GPHN: variants seen among roughly 807,000 people sequenced by gnomAD.
GPHN encodes gephyrin.
In GPHN, 17 loss-of-function variants were observed where a neutral mutation model predicts 95.5. That is an observed-to-expected ratio of 0.18 (90% CI 0.12 to 0.27). The LOEUF (loss-of-function observed/expected upper bound fraction) is 0.27, where lower values mean the gene tolerates loss of function less well. Ranked by LOEUF, GPHN falls within the 10% of genes least tolerant of loss-of-function variation. The probability of loss-of-function intolerance (pLI) is 1.00; values close to 1 mark genes in which losing one functional copy is unlikely to be tolerated. For missense variants in GPHN, 660 were observed against 978.1 expected, an observed-to-expected ratio of 0.67 and a Z score of 4.34; for synonymous variants, 320 against 322.5, an observed-to-expected ratio of 0.99 and a Z score of 0.08.
chr14:67,621,194 T>G, the GPHN span, among the ~76,000 whole-genome samples: 96 of 152,258 alleles, frequency 6.3e-4, no homozygotes, highest in Non-Finnish European at 1.1e-3. Flanking sequence ...AGGCAAGGTC[T>G]GAACAGCTGT....
the GPHN span, among the ~76,000 whole-genome samples, chr14:67,453,898 T>C: frequency 6.6e-6 from 1 of 152,204 alleles, no homozygotes; most frequent in Non-Finnish European, 1.5e-5. Context: ...GGCAACCTCT[T>C]GGAGCCTCAG....
intron 1 of GPHN, among the ~76,000 whole-genome samples, chr14:66,644,269 C>G (rs2064607138): frequency 6.6e-6 from 1 of 152,062 alleles, no homozygotes; most frequent in African/African-American, 2.4e-5. Flanking sequence ...AGACATCATT[C>G]TTCTCAAATT....
At chr14:67,387,250 C>G in the GPHN span, 8 of 1,425,958 alleles carry the variant, frequency 5.6e-6, no homozygotes, top group Non-Finnish European at 5.7e-6. Flanking sequence ...AGTCAAAAGT[C>G]TTAACACTCC....
At chr14:67,626,036 TTCA>T in the GPHN span, among the ~76,000 whole-genome samples, 1 of 152,024 alleles carries the variant, frequency 6.6e-6, no homozygotes, top group African/African-American at 2.4e-5. Context: ...GGCAGATCAT[TTCA>T]GGTCAGGAGT....
chr14:66,687,868 T>C (rs1418519390), intron 2 of GPHN, among the ~76,000 whole-genome samples: 3 of 152,226 alleles, frequency 2.0e-5, no homozygotes, highest in African/African-American at 7.2e-5. Flanking sequence ...CATCAGTTTT[T>C]TAGCTTGTTT....
chr14:66,710,758 CT>C (rs537328683), intron 2 of GPHN, among the ~76,000 whole-genome samples: 1 of 152,102 alleles, frequency 6.6e-6, no homozygotes, highest in Non-Finnish European at 1.5e-5. Context: ...CTAAATAGGG[CT>C]TTTTAACCTA....
rs539820412 is a variant in GPHN, at chr14:67,022,985, C to T, written c.964-648C>T. On this transcript the variant is annotated intron_variant, in intron 9 of 22. Transcript: ENST00000478722. ...GTTTCTGATTGATAAATTCTATATA[C>T]ACCTAAGAACTGGTAAATAAATTTG... Among the ~76,000 whole-genome samples, 12 of 152,080 alleles carry T rather than the reference C, an allele frequency of 7.9e-5. No homozygotes were observed. In the South Asian group the frequency reaches 2.3e-3, roughly 29 times the overall value.
chr14:66,579,921 C>T (rs2061084237), intron 1 of GPHN, among the ~76,000 whole-genome samples: 1 of 151,796 alleles, frequency 6.6e-6, no homozygotes, highest in Admixed American at 6.6e-5. Flanking sequence ...TTGGAACACA[C>T]ATCCTTCTTA....
the GPHN span, among the ~76,000 whole-genome samples, chr14:67,370,845 C>T: frequency 8.6e-5 from 13 of 151,626 alleles, no homozygotes; most frequent in African/African-American, 2.2e-4. Flanking sequence ...GGAAACATGA[C>T]GAAACCTCAT....
the GPHN span, chr14:67,338,317 T>A: frequency 4.5e-6 from 1 of 219,790 alleles, no homozygotes; most frequent in African/African-American, 2.3e-5. Context: ...TCCTAAGAGG[T>A]ATTTCCTAAT....
intron 1 of GPHN, among the ~76,000 whole-genome samples, chr14:66,574,321 T>A (rs889357923): frequency 1.3e-5 from 2 of 152,250 alleles, no homozygotes; most frequent in African/African-American, 4.8e-5. Flanking sequence ...CTGTTATTCA[T>A]GTCACAATTT....
chr14:66,887,949 C>T (rs2064284727), intron 5 of GPHN, among the ~76,000 whole-genome samples: 1 of 152,112 alleles, frequency 6.6e-6, no homozygotes, highest in Non-Finnish European at 1.5e-5. Context: ...AACACTATAA[C>T]AGACATAAAC....
chr14:67,583,945 GAC>G, the GPHN span: 1 of 1,612,096 alleles, frequency 6.2e-7, no homozygotes. Flanking sequence ...CTGGAATGAA[GAC>G]ACGTCGGCAC....
chr14:66,785,722 C>CA (rs2059750096), intron 3 of GPHN, among the ~76,000 whole-genome samples: 1 of 124,162 alleles, frequency 8.1e-6, no homozygotes. Flanking sequence ...AAAAAAAAAC[C>CA]AAAAAACAAA....
the GPHN span, among the ~76,000 whole-genome samples, chr14:67,534,434 A>C: frequency 6.6e-6 from 1 of 152,142 alleles, no homozygotes; most frequent in African/African-American, 2.4e-5. Context: ...AAAAATTTAA[A>C]AATTAGCTGG....
chr14:67,455,517 C>T, the GPHN span, among the ~76,000 whole-genome samples: 1 of 152,164 alleles, frequency 6.6e-6, no homozygotes, highest in East Asian at 1.9e-4. Flanking sequence ...TTCTGACATA[C>T]ACATCATGTG....
At chr14:66,838,072 A>C (rs2153505782) in intron 4 of GPHN, among the ~76,000 whole-genome samples, 1 of 152,238 alleles carries the variant, frequency 6.6e-6, no homozygotes, top group East Asian at 1.9e-4. Context: ...TAATAATAAA[A>C]ATAACATAGT....
At chr14:67,080,957 A>C (rs2076672463) in intron 11 of GPHN, among the ~76,000 whole-genome samples, 1 of 152,122 alleles carries the variant, frequency 6.6e-6, no homozygotes, top group South Asian at 2.1e-4. Context: ...TTTTGGCTGA[A>C]TAGTAGTATT....
At chr14:67,297,516 G>A in the GPHN span, among the ~76,000 whole-genome samples, 7 of 152,154 alleles carry the variant, frequency 4.6e-5, no homozygotes, top group Middle Eastern at 6.8e-3. Context: ...ACATGATTGC[G>A]AATCTACTGA....
Sources: gnomAD v4.1 joint callset for allele counts (sites outside exome capture counted in the v4.1 genomes callset) on GRCh38, gnomAD v4.1.1 for gene constraint, MANE v1.5 for transcripts, NCBI Gene and HGNC (gene_info 2026-07-23, HGNC 2026-07-21) for gene names.